LEF1: variants seen among roughly 807,000 people sequenced by gnomAD.
LEF1 encodes the protein lymphoid enhancer-binding factor 1.
LEF1 carries 14 observed loss-of-function variants against 51.2 expected under a neutral mutation model. The ratio of observed to expected loss-of-function variants is 0.27; its 90% CI spans 0.18 to 0.43. The LOEUF is 0.43. Among genes scored for constraint, LEF1 ranks in the 20% least tolerant of loss-of-function variants. The pLI, the probability that LEF1 is intolerant of heterozygous loss-of-function variation, is 1.00. For synonymous variants in LEF1, 185 were observed against 183.2 expected (o/e 1.01, Z -0.08); for missense variants, 386 against 512.0 (o/e 0.75, Z 2.37).
At chr4:108,125,698 C>A (rs1160771061) in intron 3 of LEF1, among the ~76,000 whole-genome samples, 1 of 150,942 alleles carries the variant, frequency 6.6e-6, no homozygotes, top group Admixed American at 6.6e-5. Flanking sequence ...TTGCTTGGTA[C>A]ATAACACACC....
At chr4:108,114,772 G>T (rs890777808) in intron 3 of LEF1, among the ~76,000 whole-genome samples, 2 of 152,232 alleles carry the variant, frequency 1.3e-5, no homozygotes, top group Non-Finnish European at 2.9e-5. Context: ...GGGGCTATCA[G>T]GTTACATCAC....
At position 108,165,242 on chromosome 4, in the gene LEF1, C is replaced by T. The variant is rs567997105; in HGVS notation, c.214-79G>A. Reference sequence around the variant, plus strand: ...GACAATAATGGTACAAATGTGTGTGCGCTGGTAATTCAAAGGAAGAGGTTT... The same window carrying T: ...GACAATAATGGTACAAATGTGTGTGTGCTGGTAATTCAAAGGAAGAGGTTT... On this transcript the variant is annotated intron_variant, in intron 1 of 11. Transcript: ENST00000265165. 88 of 1,336,596 alleles carry T rather than the reference C, an allele frequency of 6.6e-5. No homozygotes were observed. In the South Asian group the frequency reaches 8.3e-4, roughly 13 times the overall value. 82.8% of individuals were successfully genotyped at this position (1,336,596 alleles called of 1,614,324 possible).
intron 3 of LEF1, among the ~76,000 whole-genome samples, chr4:108,099,574 A>ATATATGTG (rs1433072067): frequency 4.0e-5 from 1 of 24,936 alleles, no homozygotes; most frequent in Non-Finnish European, 7.0e-5. Flanking sequence ...GTGTGTGTAT[A>ATATATGTG]TATATATATA....
At chr4:108,124,363 G>C (rs1003248529) in intron 3 of LEF1, among the ~76,000 whole-genome samples, 1 of 151,006 alleles carries the variant, frequency 6.6e-6, no homozygotes, top group Non-Finnish European at 1.5e-5. Flanking sequence ...CCCTTAAACA[G>C]ATACATGAAC....
chr4:108,107,627 T>G (rs1186398925), intron 3 of LEF1, among the ~76,000 whole-genome samples: 1 of 152,182 alleles, frequency 6.6e-6, no homozygotes, highest in African/African-American at 2.4e-5. Context: ...TTCTAGCTTT[T>G]CATAAAGTTT....
intron 9 of LEF1, among the ~76,000 whole-genome samples, chr4:108,069,365 T>TA (rs1738296999): frequency 1.3e-5 from 2 of 152,186 alleles, no homozygotes; most frequent in African/African-American, 4.8e-5. Flanking sequence ...TATTCCCCTC[T>TA]ATAAAATAAA....
At chr4:108,080,479 G>A (rs892547884) in intron 6 of LEF1, among the ~76,000 whole-genome samples, 2 of 152,050 alleles carry the variant, frequency 1.3e-5, no homozygotes, top group Admixed American at 6.5e-5. Context: ...TTCTTGAAAG[G>A]AACTCTGCTA....
chr4:108,147,054 G>A (rs1303704130), intron 3 of LEF1, among the ~76,000 whole-genome samples: 1 of 152,136 alleles, frequency 6.6e-6, no homozygotes, highest in Non-Finnish European at 1.5e-5. Flanking sequence ...CTTGAGCCTA[G>A]GAGGTTGAGG....
Position 108,167,490 on chromosome 4 carries a change from C to A in LEF1, c.213+65G>T. 6.4e-7 allele frequency: 1 copy of A among 1,557,354 alleles called. No homozygotes were observed. Among genetic ancestry groups the A allele is most frequent in the Non-Finnish European group, 8.8e-7 (1 of 1,137,060 alleles). The stretch of plus-strand genomic sequence containing the variant: ...GGCGGCCGGGCGCCTTCGTTCCCTT[C>A]CTCCCTCTCTGAGTTTCCCAGGGAC... On this transcript the variant is annotated intron_variant, in intron 1 of 11. Coordinates refer to ENST00000265165, the MANE Select transcript of LEF1 (RefSeq NM_016269.5). This position sits in a 1 kb window ranked among gnomAD's most constrained non-coding sequence, Gnocchi z 5.7.
At chr4:108,133,125 C>T (rs546723428) in intron 3 of LEF1, among the ~76,000 whole-genome samples, 37 of 152,216 alleles carry the variant, frequency 2.4e-4, no homozygotes, top group African/African-American at 8.4e-4. Context: ...AGCCACACAC[C>T]ACCATGCCTG....
At chr4:108,083,547 G>T in intron 4 of LEF1, 101 bp from the exon 5 acceptor site, 2 of 686,596 alleles carry the variant, frequency 2.9e-6, no homozygotes, top group African/African-American at 1.9e-5. Context: ...GGTTCAGAAT[G>T]AAACAATATT....
intron 3 of LEF1, among the ~76,000 whole-genome samples, chr4:108,099,586 A>G (rs1280161482): frequency 0.087 from 4,060 of 46,806 alleles, 468 homozygotes; most frequent in African/African-American, 0.19. Context: ...ATATATATAT[A>G]TATATATATA....
At chr4:108,106,043 T>A (rs1327355591) in intron 3 of LEF1, among the ~76,000 whole-genome samples, 1 of 152,164 alleles carries the variant, frequency 6.6e-6, no homozygotes, top group African/African-American at 2.4e-5. Context: ...GTGCCCCACC[T>A]GGGATACAAA....
intron 3 of LEF1, among the ~76,000 whole-genome samples, chr4:108,141,436 G>A (rs1165995820): frequency 2.0e-5 from 3 of 152,168 alleles, no homozygotes; most frequent in African/African-American, 4.8e-5. Flanking sequence ...TGGCATGTCA[G>A]CGGGACTCCA....
chr4:108,099,294 T>C (rs376831274), intron 3 of LEF1, among the ~76,000 whole-genome samples: 1 of 151,848 alleles, frequency 6.6e-6, no homozygotes, highest in Non-Finnish European at 1.5e-5. Context: ...GTTTAAAAAT[T>C]TGTAGGTGGG....
At chr4:108,051,816 A>G (rs149998151) in intron 11 of LEF1, among the ~76,000 whole-genome samples, 294 of 152,220 alleles carry the variant, frequency 1.9e-3, no homozygotes, top group African/African-American at 6.6e-3. Context: ...CATGAACCCA[A>G]ATGGGTAGAG....
intron 11 of LEF1, among the ~76,000 whole-genome samples, chr4:108,055,642 T>A (rs1737263246): frequency 6.6e-6 from 1 of 152,226 alleles, no homozygotes; most frequent in Non-Finnish European, 1.5e-5. Flanking sequence ...TTAATTCCAT[T>A]TGGTAAGTTT....
rs148458632 is a variant in LEF1, at chr4:108,163,575, G to C, written c.407C>G (p.Pro136Arg). 1 of 1,612,580 alleles carries C rather than the reference G, an allele frequency of 6.2e-7. No individual in the cohort carries two copies. Among genetic ancestry groups the C allele is most frequent in the South Asian group, 1.1e-5 (1 of 90,748 alleles). Residue 136 changes from proline to arginine, a missense_variant, in exon 3 of 12, where the codon CCG (proline) becomes CGG (arginine). Pro to Arg is a moderately radical substitution (Grantham distance 103, BLOSUM62 -2). Transcript: ENST00000265165. ...CATCAGCATGTTACTTACTGTTCTC[G>C]GGATGGGTGGAGAAAGAGATCCATT... Reference protein sequence around the residue: ...MSNGSLSPPIPRTSNKVPVVQ... With the variant: ...MSNGSLSPPIRRTSNKVPVVQ...
chr4:108,076,096 T>C (rs1452822976), intron 8 of LEF1, among the ~76,000 whole-genome samples: 1 of 152,154 alleles, frequency 6.6e-6, no homozygotes, highest in Non-Finnish European at 1.5e-5. Flanking sequence ...TGGGGGAGTC[T>C]ACCTCTCCCC....
Sources: allele counts gnomAD v4.1 joint callset (sites outside exome capture counted in the v4.1 genomes callset), GRCh38; gene constraint gnomAD v4.1.1; non-coding constraint Gnocchi (gnomAD v3.1); transcripts MANE v1.5; gene names NCBI Gene and HGNC (gene_info 2026-07-23, HGNC 2026-07-21).